PLA2G15: variants seen among roughly 807,000 people sequenced by gnomAD.
The protein encoded by PLA2G15 is phospholipase A2 group XV, also known as lysosomal phospholipase A and acyltransferase.
In PLA2G15, 20 loss-of-function variants were observed where a neutral mutation model predicts 40.9. The observed-to-expected ratio is 0.49, with a 90% CI of 0.34 to 0.71. The LOEUF (loss-of-function observed/expected upper bound fraction) is 0.71. Ranked by LOEUF, PLA2G15 falls within the 30% of genes least tolerant of loss-of-function variation. The pLI is 0.01. For missense variants in PLA2G15, 471 were observed against 541.9 expected, an observed-to-expected ratio of 0.87 and a Z score of 1.30; for synonymous variants, 223 against 228.2, an observed-to-expected ratio of 0.98 and a Z score of 0.21.
chr16:68,246,497 G>T (rs1347111220), intron 1 of PLA2G15, among the ~76,000 whole-genome samples: 1 of 152,304 alleles, frequency 6.6e-6, no homozygotes, highest in South Asian at 2.1e-4. Flanking sequence ...AAATGGGGAC[G>T]ATGCAAATCA....
chr16:68,254,873 C>T, intron 2 of PLA2G15, 46 bp from the exon 3 acceptor site: 1 of 1,179,288 alleles, frequency 8.5e-7, no homozygotes, highest in Non-Finnish European at 1.3e-6. Context: ...ACACACCAAG[C>T]TCAGTGTCCC....
intron 2 of PLA2G15, chr16:68,250,196 T>TTTTTGG: frequency 8.9e-6 from 2 of 223,670 alleles, no homozygotes; most frequent in South Asian, 4.1e-5. Flanking sequence ...TTTTTTTTTT[T>TTTTTGG]GGAGACGGAG....
At chr16:68,246,213 T>C (rs1303405469) in intron 1 of PLA2G15, among the ~76,000 whole-genome samples, 2 of 152,226 alleles carry the variant, frequency 1.3e-5, no homozygotes, top group Non-Finnish European at 2.9e-5. Flanking sequence ...TGGACTAGAC[T>C]ATGTGGAGGC....
intron 1 of PLA2G15, among the ~76,000 whole-genome samples, chr16:68,247,698 C>T (rs1178805759): frequency 6.6e-6 from 1 of 152,236 alleles, no homozygotes; most frequent in Non-Finnish European, 1.5e-5. Flanking sequence ...ATGTGCCGCC[C>T]CTGCCTCTCA....
chr16:68,259,212 C>T lies in PLA2G15; in HGVS notation c.794C>T (p.Ser265Phe). 1 of 1,613,386 alleles carries T rather than the reference C, an allele frequency of 6.2e-7. No homozygotes were observed. The highest frequency in any genetic ancestry group is 8.5e-7 in the Non-Finnish European group (1 of 1,179,608). Residue 265 changes from serine to phenylalanine, a missense_variant, in exon 6 of 6, where the codon TCC (serine) becomes TTC (phenylalanine). Ser to Phe is a radical substitution (Grantham distance 155, BLOSUM62 -2). Coordinates refer to ENST00000219345, the MANE Select transcript of PLA2G15 (RefSeq NM_012320.4). This position sits in a 1 kb window ranked among gnomAD's most constrained non-coding sequence, Gnocchi z 6.5. ...KIREQQRSAVSTSWLLPYNYT... is the reference protein window; with the variant it reads ...KIREQQRSAVFTSWLLPYNYT... ...CGGGAGCAGCAGCGGTCAGCTGTCT[C>T]CACCAGCTGGCTGCTGCCCTACAAC...
At chr16:68,256,011 G>C (rs925600822) in intron 5 of PLA2G15, 21 bp downstream of exon 5, 1 of 1,503,076 alleles carries the variant, frequency 6.7e-7, no homozygotes. Flanking sequence ...ACCTGGCCCA[G>C]CGTGGGGGGC....
intron 2 of PLA2G15, chr16:68,254,351 A>ATTTTT (rs953704547): frequency 1.4e-4 from 20 of 139,370 alleles, no homozygotes; most frequent in African/African-American, 4.9e-4. Flanking sequence ...TTATTTATTT[A>ATTTTT]TTTTTTTGAG....
intron 1 of PLA2G15, among the ~76,000 whole-genome samples, chr16:68,245,786 C>T (rs568668905): frequency 1.3e-5 from 2 of 152,262 alleles, no homozygotes; most frequent in South Asian, 4.1e-4. Context: ...GGAGAGTTAC[C>T]ATCTGGTTAT....
chr16:68,255,012 C>T lies in PLA2G15; in HGVS notation c.378C>T (p.Phe126=), dbSNP rs760303124. ...PGFGKTFSLE[F]LDPSKSSVGS... is the part of the protein sequence containing the mutation. ...TTGGGAAGACCTTCTCACTGGAGTT[C>T]CTGGACCCCAGCAAAAGCAGCGTGG... The change falls in exon 3 of 6, where the codon TTC becomes TTT. Residue 126 remains phenylalanine, a synonymous_variant. Transcript: ENST00000219345. This position sits in a 1 kb window ranked among gnomAD's most constrained non-coding sequence, Gnocchi z 5.9. 5.0e-6 allele frequency: 8 copies of T among 1,613,210 alleles called. No individual in the cohort carries two copies. In the South Asian group the frequency reaches 8.8e-5, roughly 18 times the overall value.
intron 1 of PLA2G15, among the ~76,000 whole-genome samples, chr16:68,247,110 C>T (rs1023153833): frequency 5.9e-5 from 9 of 152,112 alleles, no homozygotes; most frequent in African/African-American, 1.9e-4. Context: ...GGAGTCCTAA[C>T]ATGCCCAGCT....
chr16:68,250,646 GGCA>G (rs2042348075), intron 2 of PLA2G15, among the ~76,000 whole-genome samples: 1 of 152,190 alleles, frequency 6.6e-6, no homozygotes, highest in Admixed American at 6.5e-5. Context: ...GGGAGGCTGA[GGCA>G]GTCAGATCAC....
In PLA2G15 at chr16:68,249,407, T is replaced by G; in HGVS notation, c.245T>G (p.Leu82Arg). 6.2e-7 allele frequency: 1 copy of G among 1,614,182 alleles called. No individual in the cohort carries two copies. The highest frequency in any genetic ancestry group is 8.5e-7 in the Non-Finnish European group (1 of 1,180,022). ...YFTIWLNLEL[L>R]LPVIIDCWID... ...ACAATCTGGCTGAACCTGGAACTGC[T>G]GCTGCCTGTCATCATTGACTGCTGG... The change falls in exon 2 of 6, where the codon CTG (leucine) becomes CGG (arginine). Residue 82 changes from leucine (L) to arginine (R), a missense_variant. Physicochemically the swap from Leu to Arg is moderately radical, Grantham distance 102. Coordinates refer to ENST00000219345, the MANE Select transcript of PLA2G15 (RefSeq NM_012320.4).
In PLA2G15 at chr16:68,245,442, C is replaced by T. The variant is rs766737241; in HGVS notation, c.16C>T (p.Arg6Cys). The change falls in exon 1 of 6, where the codon CGC becomes TGC. Residue 6 changes from arginine to cysteine, a missense_variant. By Grantham distance (180) the Arg-to-Cys change is radical. Transcript: ENST00000219345. Reference sequence around the variant, plus strand: ...GTCGTACACCATGGGCCTCCACCTCCGCCCCTACCGTGTGGGGCTGCTCCC... The same window carrying T: ...GTCGTACACCATGGGCCTCCACCTCTGCCCCTACCGTGTGGGGCTGCTCCC... Reference protein sequence around the residue: MGLHLRPYRVGLLPDG... With the variant: MGLHLCPYRVGLLPDG... 4.4e-6 allele frequency: 7 copies of T among 1,605,062 alleles called. No individual in the cohort carries two copies. The highest frequency in any genetic ancestry group is 2.2e-5 in the South Asian group (2 of 91,060).
rs2042438792 is a variant in PLA2G15 at position 68,260,451 on chromosome 16, C to T, written c.*794C>T. On this transcript the variant is annotated 3_prime_UTR_variant, in exon 6 of 6. Transcript: ENST00000219345. ...TCCCTTCACCCTGGGACTGTGGTTC[C>T]AAGGATGAGAGCAGGGGTTGGAGCC... The T allele has an allele frequency of 6.6e-6, 1 of 152,594 alleles. No homozygotes were observed. The highest frequency in any genetic ancestry group is 2.4e-5 in the African/African-American group (1 of 41,446). 9.5% of individuals were successfully genotyped at this position (152,594 alleles called of 1,614,324 possible).
chr16:68,258,965 GAAA>G, intron 5 of PLA2G15, 178 bp from the exon 6 acceptor site: 2 of 588,376 alleles, frequency 3.4e-6, no homozygotes, highest in Non-Finnish European at 6.0e-6. Context: ...GTCTCAAAAA[GAAA>G]AAAAAAGAGC....
chr16:68,254,941 A>C lies in PLA2G15; in HGVS notation c.307A>C (p.Arg103=), dbSNP rs572504021. The change falls in exon 3 of 6, where the codon AGG becomes CGG. Residue 103 remains arginine (R), a synonymous_variant. Coordinates refer to ENST00000219345, the MANE Select transcript of PLA2G15 (RefSeq NM_012320.4). ...NIRLVYNKTS[R]ATQFPDGVDV... ...CAGGCTGGTTTACAACAAAACATCC[A>C]GGGCCACCCAGTTTCCTGATGGTGT... The C allele has an allele frequency of 3.7e-6, 6 of 1,613,618 alleles. No homozygotes were observed. Among genetic ancestry groups the C allele is most frequent in the Admixed American group, 3.3e-5 (2 of 60,000 alleles).
chr16:68,255,953 G>T lies in PLA2G15; in HGVS notation c.690G>T (p.Trp230Cys). Residue 230 changes from tryptophan (W) to cysteine (C), a missense_variant, in exon 5 of 6, where the codon TGG becomes TGT. Coordinates refer to ENST00000219345, the MANE Select transcript of PLA2G15 (RefSeq NM_012320.4). The surrounding 1 kb of genome is among the most constrained non-coding windows in gnomAD (Gnocchi z 5.9). ...CCTTCGTGTCACTGGGTGCGCCCTG[G>T]GGGGGCGTGGCCAAGACCCTGCGCG... ...IRAFVSLGAP[W>C]GGVAKTLRVL... The T allele has an allele frequency of 6.2e-7, 1 of 1,611,786 alleles. No homozygotes were observed.
At chr16:68,246,178 G>A (rs1218235171) in intron 1 of PLA2G15, among the ~76,000 whole-genome samples, 1 of 152,232 alleles carries the variant, frequency 6.6e-6, no homozygotes, top group Non-Finnish European at 1.5e-5. Flanking sequence ...CAACATGCTT[G>A]TACTCTTACC....
intron 5 of PLA2G15, 23 bp downstream of exon 5, chr16:68,256,013 G>A (rs752256506): frequency 2.7e-6 from 4 of 1,492,512 alleles, no homozygotes; most frequent in South Asian, 2.4e-5. Context: ...CTGGCCCAGC[G>A]TGGGGGGCTG....
Sources: allele counts gnomAD v4.1 joint callset (sites outside exome capture counted in the v4.1 genomes callset), GRCh38; gene constraint gnomAD v4.1.1; non-coding constraint Gnocchi (gnomAD v3.1); transcripts MANE v1.5; gene names NCBI Gene and HGNC (gene_info 2026-07-23, HGNC 2026-07-21).